The following RTN3 variants were observed in gnomAD, a reference collection of about 807,000 sequenced individuals.
The protein encoded by RTN3 is reticulon 3.
Under a neutral mutation model 77.8 loss-of-function variants are expected in RTN3, and 49 were observed. The ratio of observed to expected loss-of-function variants is 0.63; its 90% CI spans 0.50 to 0.80. RTN3 has a LOEUF of 0.80. Ranked by LOEUF, RTN3 falls within the 30% of genes least tolerant of loss-of-function variation. RTN3 has a pLI of 0.00. For missense variants in RTN3, 1,236 were observed against 1,211.9 expected (o/e 1.02, Z -0.29); for synonymous variants, 464 against 446.9 (o/e 1.04, Z -0.48).
chr11:63,727,447 A>G (rs1357105516), intron 3 of RTN3, among the ~76,000 whole-genome samples: 1 of 152,132 alleles, frequency 6.6e-6, no homozygotes, highest in Non-Finnish European at 1.5e-5. Context: ...TATTGAATAA[A>G]AAAGAAAATC....
intron 2 of RTN3, among the ~76,000 whole-genome samples, chr11:63,705,546 A>G (rs560227846): frequency 2.1e-4 from 32 of 152,346 alleles, no homozygotes; most frequent in South Asian, 1.2e-3. Flanking sequence ...TGCATTTAAT[A>G]TATTGTTTTG....
chr11:63,716,563 G>A (rs2011409582), intron 2 of RTN3, among the ~76,000 whole-genome samples: 1 of 152,228 alleles, frequency 6.6e-6, no homozygotes. Flanking sequence ...GGGCGTGGTG[G>A]CTCATGCCTA....
At chr11:63,698,722 C>G (rs764230656) in intron 1 of RTN3, 1 of 172,296 alleles carries the variant, frequency 5.8e-6, no homozygotes, top group Non-Finnish European at 1.4e-5. Flanking sequence ...GAGGTTGTTC[C>G]GACTGACTGC....
intron 1 of RTN3, among the ~76,000 whole-genome samples, chr11:63,687,893 C>A (rs1350309571): frequency 6.6e-6 from 1 of 152,100 alleles, no homozygotes; most frequent in Non-Finnish European, 1.5e-5. Context: ...ATTGTTATGC[C>A]TTTTTTCCCT....
chr11:63,751,338 T>C (rs1369608831), intron 4 of RTN3, among the ~76,000 whole-genome samples: 2 of 152,242 alleles, frequency 1.3e-5, no homozygotes. Flanking sequence ...GTTTTCATTC[T>C]TGGTTTATTA....
At chr11:63,757,342 TTTCTTTC>T (rs2014429993) in intron 8 of RTN3, among the ~76,000 whole-genome samples, 1 of 152,146 alleles carries the variant, frequency 6.6e-6, no homozygotes, top group South Asian at 2.1e-4. Context: ...TTTTTTCTTT[TTTCTTTC>T]TTTTTTGTTT....
chr11:63,700,442 A>ATT (rs34221757), intron 1 of RTN3, among the ~76,000 whole-genome samples: 4 of 141,268 alleles, frequency 2.8e-5, no homozygotes, highest in Non-Finnish European at 3.1e-5. Flanking sequence ...CACCCAGCTA[A>ATT]TTTTTTTTTT....
At chr11:63,743,743 T>C (rs1322529785) in intron 3 of RTN3, among the ~76,000 whole-genome samples, 25 of 151,922 alleles carry the variant, frequency 1.6e-4, no homozygotes, top group Non-Finnish European at 4.4e-5. Flanking sequence ...GGTGAAACCC[T>C]GTCTCTACTA....
intron 2 of RTN3, among the ~76,000 whole-genome samples, chr11:63,706,868 C>T (rs140858632): frequency 1.3e-5 from 2 of 151,318 alleles, no homozygotes; most frequent in African/African-American, 2.4e-5. Flanking sequence ...TACGTTCTAA[C>T]CTTAAGTCAC....
intron 3 of RTN3, among the ~76,000 whole-genome samples, chr11:63,728,677 C>T (rs548914081): frequency 6.6e-6 from 1 of 152,182 alleles, no homozygotes; most frequent in Admixed American, 6.5e-5. Context: ...GTCACAAGGT[C>T]AGGAGTTCGA....
chr11:63,710,504 T>C (rs1172228653), intron 2 of RTN3, among the ~76,000 whole-genome samples: 1 of 152,154 alleles, frequency 6.6e-6, no homozygotes, highest in Non-Finnish European at 1.5e-5. Flanking sequence ...AATGCAGAAT[T>C]ACTGTACTTT....
intron 7 of RTN3, among the ~76,000 whole-genome samples, chr11:63,755,787 G>A (rs1393085674): frequency 2.0e-5 from 3 of 149,246 alleles, no homozygotes; most frequent in South Asian, 2.1e-4. Flanking sequence ...GTGAAACCCC[G>A]TCTCTACTAA....
chr11:63,759,381 A>G lies in RTN3; in HGVS notation c.*1180A>G, dbSNP rs981075473. On this transcript the variant is annotated 3_prime_UTR_variant, in exon 9 of 9. Coordinates refer to ENST00000377819, the MANE Select transcript of RTN3 (RefSeq NM_001265589.2). ...CACTGGCGAGTTTAAAGTAAGGGCTATGATATTTGATGGTCCCAAAGTACG... is the reference window on the plus strand; with the variant it reads ...CACTGGCGAGTTTAAAGTAAGGGCTGTGATATTTGATGGTCCCAAAGTACG... 2 of 152,640 alleles carry G rather than the reference A, an allele frequency of 1.3e-5. No homozygotes were observed. Among genetic ancestry groups the G allele is most frequent in the African/African-American group, 4.8e-5 (2 of 41,460 alleles). The allele number at this position is 152,640 out of a possible 1,614,324, so 9.5% of individuals were successfully genotyped here.
At chr11:63,683,791 G>A (rs1941192041) in intron 1 of RTN3, among the ~76,000 whole-genome samples, 1 of 151,966 alleles carries the variant, frequency 6.6e-6, no homozygotes, top group Non-Finnish European at 1.5e-5. Flanking sequence ...CTTTATAATA[G>A]TGGAAAAGGT....
At chr11:63,685,977 G>A (rs1941348556) in intron 1 of RTN3, among the ~76,000 whole-genome samples, 3 of 152,140 alleles carry the variant, frequency 2.0e-5, no homozygotes, top group Non-Finnish European at 4.4e-5. Context: ...TCAGGGGTCA[G>A]GATGGCTTCC....
At position 63,720,265 on chromosome 11, in the gene RTN3, C is replaced by G; in HGVS notation, c.1763C>G (p.Thr588Arg). The change falls in exon 3 of 9, where the codon ACG (threonine) becomes AGG (arginine). Residue 588 changes from threonine to arginine, a missense_variant. By Grantham distance (71) the Thr-to-Arg change is moderately conservative. This residue lies in a region of RTN3 where 1,056 missense variants were observed against 990.4 expected (regional missense o/e 1.07). Transcript: ENST00000377819. ...GCAGCATGTTCAAAAGTACCCGATA[C>G]GAATGTCTCCTTAGAAGATGTGAGT... ...SEAACSKVPD[T>R]NVSLEDVSEV... 1 of 1,613,712 alleles carries G rather than the reference C, an allele frequency of 6.2e-7. No homozygotes were observed. The highest frequency in any genetic ancestry group is 8.5e-7 in the Non-Finnish European group (1 of 1,179,886).
intron 8 of RTN3, 110 bp from the exon 9 acceptor site, chr11:63,758,046 A>T (rs747156550): frequency 2.5e-5 from 19 of 763,968 alleles, no homozygotes; most frequent in Non-Finnish European, 4.0e-5. Flanking sequence ...TGCATTTCAC[A>T]TTGCTTATGC....
chr11:63,713,858 T>C (rs918449765), intron 2 of RTN3: 3 of 326,962 alleles, frequency 9.2e-6, no homozygotes, highest in African/African-American at 2.2e-5. Context: ...ATAGTAGACA[T>C]TTTCTGAGAC....
At chr11:63,754,435 T>C (rs889376628) in intron 7 of RTN3, among the ~76,000 whole-genome samples, 2 of 152,034 alleles carry the variant, frequency 1.3e-5, no homozygotes, top group Admixed American at 6.5e-5. Flanking sequence ...GCACGGTGGC[T>C]CACGCCTGTA....
Sources: gnomAD v4.1 joint callset for allele counts (sites outside exome capture counted in the v4.1 genomes callset) on GRCh38, gnomAD v4.1.1 for gene constraint, gnomAD v4.1.1 regional missense constraint, MANE v1.5 for transcripts, NCBI Gene and HGNC (gene_info 2026-07-23, HGNC 2026-07-21) for gene names.